Variants in KCNC2 observed in about 807,000 individuals in gnomAD.
KCNC2 encodes the protein potassium voltage-gated channel subfamily C member 2.
In KCNC2, 21 loss-of-function variants were observed where a neutral mutation model predicts 44.5. That is an observed-to-expected ratio of 0.47 (90% CI 0.33 to 0.68). KCNC2 has a LOEUF of 0.68. Ranked by LOEUF, KCNC2 falls within the 30% of genes least tolerant of loss-of-function variation. The pLI is 0.01. For missense variants in KCNC2, 589 were observed against 826.2 expected, an observed-to-expected ratio of 0.71 and a Z score of 3.52; for synonymous variants, 391 against 339.1, an observed-to-expected ratio of 1.15 and a Z score of -1.68.
chr12:75,066,940 C>T (rs1229717983), intron 2 of KCNC2, among the ~76,000 whole-genome samples: 2 of 152,250 alleles, frequency 1.3e-5, no homozygotes, highest in Middle Eastern at 3.4e-3. Context: ...TGGTGGCTCA[C>T]GTCTGTAGTC....
intron 2 of KCNC2, among the ~76,000 whole-genome samples, chr12:75,150,091 A>G (rs975332742): frequency 2.0e-5 from 3 of 151,876 alleles, no homozygotes; most frequent in Admixed American, 6.6e-5. Flanking sequence ...CTGCACCTCT[A>G]TCCAGAGCCT....
At chr12:75,104,492 C>T (rs1186895169) in intron 2 of KCNC2, among the ~76,000 whole-genome samples, 3 of 151,984 alleles carry the variant, frequency 2.0e-5, no homozygotes, top group African/African-American at 7.2e-5. Flanking sequence ...AAGATCAGTA[C>T]AGCACATTTC....
chr12:75,069,406 G>A lies in KCNC2; in HGVS notation c.688-18089C>T, dbSNP rs990880671. ...CCGCCTCAGCCTCCCAAAGTGCTGG[G>A]ATTACAGGTGTGATCCACCGTGCTC... On this transcript the variant is annotated intron_variant, in intron 2 of 4. Transcript: ENST00000549446. Among the ~76,000 whole-genome samples the A allele has an allele frequency of 2.0e-5, 3 of 151,940 alleles. No individual in the cohort carries two copies. The East Asian group carries it at 5.8e-4, about 29-fold the overall frequency.
At chr12:75,075,670 G>A (rs1883890763) in intron 2 of KCNC2, among the ~76,000 whole-genome samples, 2 of 151,786 alleles carry the variant, frequency 1.3e-5, no homozygotes, top group Non-Finnish European at 2.9e-5. Context: ...TTGGACTTAA[G>A]TATTGAACCT....
chr12:75,103,141 C>A (rs1886507767), intron 2 of KCNC2, among the ~76,000 whole-genome samples: 1 of 152,094 alleles, frequency 6.6e-6, no homozygotes, highest in Non-Finnish European at 1.5e-5. Context: ...AATCATAGAT[C>A]TCCAACTAAA....
At chr12:75,105,043 G>T (rs1323384683) in intron 2 of KCNC2, among the ~76,000 whole-genome samples, 1 of 152,098 alleles carries the variant, frequency 6.6e-6, no homozygotes, top group Non-Finnish European at 1.5e-5. Flanking sequence ...TTTTATTCTG[G>T]TAGAGAAGTC....
Position 75,041,718 on chromosome 12 carries a change from G to A in KCNC2, c.*1387C>T. 1.0e-6 allele frequency: 1 copy of A among 992,264 alleles called. No individual in the cohort carries two copies. Among genetic ancestry groups the A allele is most frequent in the Non-Finnish European group, 1.2e-6 (1 of 833,856 alleles). The allele number at this position is 992,264 out of a possible 1,614,324, so 61.5% of individuals were successfully genotyped here. A position where few individuals can be genotyped will look rare whatever the true frequency, so the allele number is the denominator to read the frequency against. ...GTAGTAGAAACTGACACTGCAGCAGGCAACCAAGTGCAATGGTGAAATTGC... is the reference window on the plus strand; with the variant it reads ...GTAGTAGAAACTGACACTGCAGCAGACAACCAAGTGCAATGGTGAAATTGC... On this transcript the variant is annotated 3_prime_UTR_variant, in exon 5 of 5. Coordinates refer to ENST00000549446, the MANE Select transcript of KCNC2 (RefSeq NM_139137.4).
At chr12:75,119,208 C>T (rs1042751323) in intron 2 of KCNC2, among the ~76,000 whole-genome samples, 1 of 152,174 alleles carries the variant, frequency 6.6e-6, no homozygotes, top group African/African-American at 2.4e-5. Context: ...GGGTAACTGA[C>T]AGACTGGGAT....
chr12:75,198,730 C>T (rs571888465), intron 2 of KCNC2, among the ~76,000 whole-genome samples: 57 of 151,864 alleles, frequency 3.8e-4, no homozygotes, highest in African/African-American at 1.3e-3. Flanking sequence ...AGTCAATAAA[C>T]TTAAAAGTAC....
At chr12:75,108,080 T>C (rs143516281) in intron 2 of KCNC2, among the ~76,000 whole-genome samples, 6 of 152,348 alleles carry the variant, frequency 3.9e-5, no homozygotes, top group African/African-American at 1.4e-4. Flanking sequence ...AGAAAATGTT[T>C]GTTGAATACA....
At chr12:75,168,873 A>T (rs1891629996) in intron 2 of KCNC2, among the ~76,000 whole-genome samples, 1 of 151,534 alleles carries the variant, frequency 6.6e-6, no homozygotes, top group Non-Finnish European at 1.5e-5. Context: ...AATTTACTTG[A>T]ACTTTAAAGA....
At chr12:75,047,589 G>C (rs1880671245) in intron 4 of KCNC2, among the ~76,000 whole-genome samples, 1 of 152,048 alleles carries the variant, frequency 6.6e-6, no homozygotes, top group Non-Finnish European at 1.5e-5. Flanking sequence ...AGTAGGCTTT[G>C]AAGTGATTAG....
At chr12:75,116,557 A>G (rs1371897063) in intron 2 of KCNC2, among the ~76,000 whole-genome samples, 1 of 152,210 alleles carries the variant, frequency 6.6e-6, no homozygotes, top group Non-Finnish European at 1.5e-5. Flanking sequence ...AGAGGAAGAT[A>G]CTATAATAGC....
intron 2 of KCNC2, among the ~76,000 whole-genome samples, chr12:75,103,743 C>T (rs534680413): frequency 1.3e-5 from 2 of 152,264 alleles, no homozygotes; most frequent in South Asian, 4.1e-4. Flanking sequence ...ACCCTATATA[C>T]ACTTTTTTCT....
intron 2 of KCNC2, among the ~76,000 whole-genome samples, chr12:75,094,774 G>A (rs1231093061): frequency 1.3e-5 from 2 of 151,558 alleles, no homozygotes; most frequent in Non-Finnish European, 3.0e-5. Flanking sequence ...GTCCTGATTT[G>A]GGAACAATAA....
rs763166759 is a variant in KCNC2 at position 75,043,145 on chromosome 12, G to A, written c.1877C>T (p.Pro626Leu). The part of the protein sequence containing the change: ...PVTSPYNSPC[P>L]LRRSRSPIPS... ...GATGGGAGATCGAGAGCGCCTCAGA[G>A]GACAAGGAGAGTTGTAGGGTGATGT... Residue 626 changes from proline to leucine, a missense_variant, in exon 5 of 5, where the codon CCT (proline) becomes CTT (leucine). Around this residue, in one of 7 missense-constraint regions of KCNC2, gnomAD observed 171 missense variants for 182.4 expected, o/e 0.94. Transcript: ENST00000549446. 6.2e-7 allele frequency: 1 copy of A among 1,612,518 alleles called. No homozygotes were observed. Among genetic ancestry groups the A allele is most frequent in the Admixed American group, 1.7e-5 (1 of 59,884 alleles).
intron 2 of KCNC2, among the ~76,000 whole-genome samples, chr12:75,093,352 C>T (rs979912758): frequency 1.3e-5 from 2 of 151,474 alleles, no homozygotes; most frequent in South Asian, 2.1e-4. Context: ...TTTGTCAAAA[C>T]GTGTTCCTAC....
At chr12:75,100,079 C>G (rs957304141) in intron 2 of KCNC2, among the ~76,000 whole-genome samples, 2 of 152,042 alleles carry the variant, frequency 1.3e-5, no homozygotes, top group Non-Finnish European at 2.9e-5. Flanking sequence ...ACCAGAATAG[C>G]TCTGTACGTA....
rs530517196 is a variant in KCNC2, at chr12:75,143,241, T to A, written c.687+64056A>T. On this transcript the variant is annotated intron_variant, in intron 2 of 4. Coordinates refer to ENST00000549446, the MANE Select transcript of KCNC2 (RefSeq NM_139137.4). ...GAAGTGAGGGAGTTGACCTCGGCGA[T>A]CTCCAAGGCCTCTGAGATTTATGAT... is the stretch of plus-strand genomic sequence containing the variant. Among the ~76,000 whole-genome samples, 4 of 152,274 alleles carry A rather than the reference T, an allele frequency of 2.6e-5. No homozygotes were observed. The South Asian group carries it at 8.3e-4, about 32-fold the overall frequency.
Sources: gnomAD v4.1 joint callset for allele counts (sites outside exome capture counted in the v4.1 genomes callset) on GRCh38, gnomAD v4.1.1 for gene constraint, gnomAD v4.1.1 regional missense constraint, MANE v1.5 for transcripts, NCBI Gene and HGNC (gene_info 2026-07-23, HGNC 2026-07-21) for gene names.